The following TGIF2 variants were observed in gnomAD, a reference collection of about 807,000 sequenced individuals.
The protein encoded by TGIF2 is TGFB induced factor homeobox 2.
Under a neutral mutation model 15.1 loss-of-function variants are expected in TGIF2, and 5 were observed. The observed-to-expected ratio is 0.33, with a 90% CI of 0.17 to 0.70. TGIF2 has a LOEUF of 0.70. Ranked by LOEUF, TGIF2 falls within the 30% of genes least tolerant of loss-of-function variation. TGIF2 has a pLI of 0.67. For synonymous variants in TGIF2, 131 were observed against 128.9 expected (o/e 1.02, Z -0.11); for missense variants, 264 against 302.5 (o/e 0.87, Z 0.94).
intron 2 of TGIF2, among the ~76,000 whole-genome samples, chr20:36,589,000 C>T (rs2038715149): frequency 6.6e-6 from 1 of 152,178 alleles, no homozygotes; most frequent in Admixed American, 6.5e-5. Flanking sequence ...ATTGGAGGAC[C>T]ATAGAGGTGA....
chr20:36,574,125 C>T (rs2147914858), intron 1 of TGIF2, among the ~76,000 whole-genome samples: 1 of 151,904 alleles, frequency 6.6e-6, no homozygotes, highest in South Asian at 2.1e-4. Flanking sequence ...GCAGGGCCCC[C>T]CCGCCGCCGA....
rs1255888847 is a variant in TGIF2 at position 36,578,741 on chromosome 20, G to A, written c.-34G>A. 10 of 1,579,100 alleles carry A rather than the reference G, an allele frequency of 6.3e-6. No homozygotes were observed. The highest frequency in any genetic ancestry group is 8.6e-6 in the Non-Finnish European group (10 of 1,162,454). On this transcript the variant is annotated splice_region_variant and 5_prime_UTR_variant, in exon 2 of 3. Coordinates refer to ENST00000373872, the MANE Select transcript of TGIF2 (RefSeq NM_021809.7). ...CCATCCCCTGTGTCCCTTGTCCCAG[G>A]TTTACCCAAGGTCCAGCCTAGCCCC...
chr20:36,586,692 T>TCC (rs1206374946), intron 2 of TGIF2, among the ~76,000 whole-genome samples: 2 of 71,628 alleles, frequency 2.8e-5, no homozygotes, highest in Non-Finnish European at 7.2e-5. Context: ...GAGACTCCAT[T>TCC]TCCCCCCCCC....
chr20:36,591,201 A>G lies in TGIF2; in HGVS notation c.484A>G (p.Ser162Gly). The change falls in exon 3 of 3, where the codon AGC becomes GGC. Residue 162 changes from serine (S) to glycine (G), a missense_variant. By Grantham distance (56) the Ser-to-Gly change is moderately conservative. Transcript: ENST00000373872. This position sits in a 1 kb window ranked among gnomAD's most constrained non-coding sequence, Gnocchi z 5.3. ...TCCCAAGCCCCTGGTGACCCCTGGTAGCACACTTACTCTGCTGACCAGGGC... is the reference window on the plus strand; with the variant it reads ...TCCCAAGCCCCTGGTGACCCCTGGTGGCACACTTACTCTGCTGACCAGGGC... ...ESPKPLVTPG[S>G]TLTLLTRAEA... 3 of 1,614,162 alleles carry G rather than the reference A, an allele frequency of 1.9e-6. No homozygotes were observed. Among genetic ancestry groups the G allele is most frequent in the Non-Finnish European group, 2.5e-6 (3 of 1,179,998 alleles).
chr20:36,587,907 A>G (rs1323526909), intron 2 of TGIF2, among the ~76,000 whole-genome samples: 3 of 151,874 alleles, frequency 2.0e-5, no homozygotes, highest in Non-Finnish European at 4.4e-5. Context: ...TCTACAAAAA[A>G]TACCAAAAAA....
At position 36,591,618 on chromosome 20, in the gene TGIF2, C is replaced by T. The variant is rs2038771175; in HGVS notation, c.*187C>T. ...ACTGTGATGGGGGCCCTCTCCTCTG[C>T]TGACTCTGCCGTTTCTCCAGGCCTC... On this transcript the variant is annotated 3_prime_UTR_variant, in exon 3 of 3. Coordinates refer to ENST00000373872, the MANE Select transcript of TGIF2 (RefSeq NM_021809.7). This position sits in a 1 kb window ranked among gnomAD's most constrained non-coding sequence, Gnocchi z 5.3. The T allele has an allele frequency of 1.0e-5, 6 of 601,724 alleles. No individual in the cohort carries two copies. In the East Asian group the frequency reaches 1.1e-4, roughly 11 times the overall value. The allele number at this position is 601,724 out of a possible 1,614,324, so 37.3% of individuals were successfully genotyped here.
At position 36,578,770 on chromosome 20, in the gene TGIF2, G is replaced by A. The variant is rs1478673417; in HGVS notation, c.-5G>A. The A allele has an allele frequency of 6.2e-7, 1 of 1,608,998 alleles. No homozygotes were observed. The stretch of plus-strand genomic sequence containing the variant: ...ACCCAAGGTCCAGCCTAGCCCCTAG[G>A]CACCATGTCGGACAGTGATCTAGGT... On this transcript the variant is annotated 5_prime_UTR_variant, in exon 2 of 3. Transcript: ENST00000373872.
chr20:36,587,843 T>C (rs552237442), intron 2 of TGIF2, among the ~76,000 whole-genome samples: 3 of 152,052 alleles, frequency 2.0e-5, no homozygotes, highest in South Asian at 4.2e-4. Flanking sequence ...GGTGAGCAGA[T>C]CATTTGAGTT....
intron 1 of TGIF2, among the ~76,000 whole-genome samples, chr20:36,577,495 G>A (rs189096734): frequency 1.1e-4 from 16 of 151,558 alleles, no homozygotes; most frequent in Non-Finnish European, 1.5e-4. Flanking sequence ...ACGAGCGTGA[G>A]CCACCGTGTC....
chr20:36,577,617 C>T (rs993930458), intron 1 of TGIF2, among the ~76,000 whole-genome samples: 1 of 151,070 alleles, frequency 6.6e-6, no homozygotes, highest in African/African-American at 2.4e-5. Context: ...CTCCCAGGTT[C>T]AAGCAATTCT....
rs1260194206 is a variant in TGIF2, at chr20:36,578,890, T to G, written c.116T>G (p.Leu39Trp). 1 of 1,614,024 alleles carries G rather than the reference T, an allele frequency of 6.2e-7. No homozygotes were observed. Among genetic ancestry groups the G allele is most frequent in the Admixed American group, 1.7e-5 (1 of 59,988 alleles). ...SVKILRDWLYLHRYNAYPSEQ... is the reference protein window; with the variant it reads ...SVKILRDWLYWHRYNAYPSEQ... Reference sequence around the variant, plus strand: ...AAGATCCTCCGGGACTGGCTGTACTTGCACCGCTACAACGCCTACCCCTCA... The same window carrying G: ...AAGATCCTCCGGGACTGGCTGTACTGGCACCGCTACAACGCCTACCCCTCA... The change falls in exon 2 of 3, where the codon TTG (leucine) becomes TGG (tryptophan). Residue 39 changes from leucine (L) to tryptophan (W), a missense_variant. Coordinates refer to ENST00000373872, the MANE Select transcript of TGIF2 (RefSeq NM_021809.7).
chr20:36,585,466 A>T (rs1304284511), intron 2 of TGIF2, among the ~76,000 whole-genome samples: 5 of 92,050 alleles, frequency 5.4e-5, no homozygotes, highest in African/African-American at 1.4e-4. Context: ...CTCTGTCTTT[A>T]AAAAAAAAAA....
intron 2 of TGIF2, among the ~76,000 whole-genome samples, chr20:36,582,553 G>A (rs924530047): frequency 6.6e-6 from 1 of 152,100 alleles, no homozygotes; most frequent in African/African-American, 2.4e-5. Flanking sequence ...ATGGTCTTAG[G>A]CCCCGATGCT....
intron 1 of TGIF2, among the ~76,000 whole-genome samples, chr20:36,576,703 A>C (rs748661624): frequency 1.8e-4 from 27 of 151,890 alleles, no homozygotes; most frequent in Non-Finnish European, 2.8e-4. Context: ...CAATTTTAGG[A>C]CTTTTTTGCG....
intron 2 of TGIF2, among the ~76,000 whole-genome samples, chr20:36,581,750 T>A (rs2038550559): frequency 6.6e-6 from 1 of 152,028 alleles, no homozygotes; most frequent in African/African-American, 2.4e-5. Context: ...TGCCTCAGCC[T>A]CCTGAGTAGC....
chr20:36,591,232 C>G lies in TGIF2; in HGVS notation c.515C>G (p.Ala172Gly). ...STLTLLTRAEAGSPTGGLFNT... is the reference protein window; with the variant it reads ...STLTLLTRAEGGSPTGGLFNT... ...CTTACTCTGCTGACCAGGGCTGAGG[C>G]TGGAAGCCCCACAGGTGGACTCTTC... The change falls in exon 3 of 3, where the codon GCT becomes GGT. Residue 172 changes from alanine to glycine, a missense_variant. Physicochemically the swap from Ala to Gly is moderately conservative, Grantham distance 60 (BLOSUM62 0). Transcript: ENST00000373872. The surrounding 1 kb of genome is among the most constrained non-coding windows in gnomAD (Gnocchi z 5.3). 1 of 1,614,206 alleles carries G rather than the reference C, an allele frequency of 6.2e-7. No homozygotes were observed. The highest frequency in any genetic ancestry group is 8.5e-7 in the Non-Finnish European group (1 of 1,180,026).
chr20:36,586,058 G>C (rs2038652012), intron 2 of TGIF2, among the ~76,000 whole-genome samples: 1 of 152,180 alleles, frequency 6.6e-6, no homozygotes, highest in Non-Finnish European at 1.5e-5. Context: ...AGCTGTGGGG[G>C]AGGAGTGTCC....
At chr20:36,577,510 CTTTG>C (rs1263695696) in intron 1 of TGIF2, among the ~76,000 whole-genome samples, 57 of 150,934 alleles carry the variant, frequency 3.8e-4, no homozygotes, top group Admixed American at 3.6e-3. Context: ...CGTGTCCGGC[CTTTG>C]TTTGTTTTTG....
In TGIF2 at chr20:36,589,671, G is replaced by A. The variant is rs201476138; in HGVS notation, c.193-1239G>A. 1.4e-4 allele frequency among the ~76,000 whole-genome samples: 22 copies of A among 152,106 alleles called. No homozygotes were observed. In the East Asian group the frequency reaches 2.1e-3, roughly 15 times the overall value. ...CTCCCAAAATGCTGGGATTACAGGC[G>A]TGAGCCACCACGCTCGACCGACTTT... On this transcript the variant is annotated intron_variant, in intron 2 of 2. Transcript: ENST00000373872.
Sources: gnomAD v4.1 joint callset for allele counts (sites outside exome capture counted in the v4.1 genomes callset) on GRCh38, gnomAD v4.1.1 for gene constraint, Gnocchi (gnomAD v3.1) non-coding constraint, MANE v1.5 for transcripts, NCBI Gene and HGNC (gene_info 2026-07-23, HGNC 2026-07-21) for gene names.